The following DYNC2H1 variants were observed in gnomAD, a reference collection of about 807,000 sequenced individuals.
DYNC2H1 encodes the protein cytoplasmic dynein 2 heavy chain 1.
Under a neutral mutation model 570.0 loss-of-function variants are expected in DYNC2H1, and 410 were observed. That is an observed-to-expected ratio of 0.72 (90% CI 0.66 to 0.78). DYNC2H1 has a LOEUF of 0.78. Among genes scored for constraint, DYNC2H1 ranks in the 30% least tolerant of loss-of-function variants. DYNC2H1 has a pLI of 0.00. For missense variants in DYNC2H1, 4,865 were observed against 5,046.4 expected (o/e 0.96, Z 1.09); for synonymous variants, 1,688 against 1,677.6 (o/e 1.01, Z -0.15).
chr11:103,380,432 T>A (rs1246900119), intron 83 of DYNC2H1, among the ~76,000 whole-genome samples: 2 of 152,200 alleles, frequency 1.3e-5, no homozygotes, highest in Admixed American at 1.3e-4. Flanking sequence ...TGCTAAAGAT[T>A]ATACCAATAC....
At chr11:103,466,699 C>A (rs1945205557) in intron 87 of DYNC2H1, among the ~76,000 whole-genome samples, 3 of 152,098 alleles carry the variant, frequency 2.0e-5, no homozygotes, top group African/African-American at 7.2e-5. Flanking sequence ...GAAATTAAGA[C>A]CAAAATTTGA....
chr11:103,116,779 C>T (rs1858422292), intron 5 of DYNC2H1, 65 bp downstream of exon 5: 1 of 1,424,500 alleles, frequency 7.0e-7, no homozygotes, highest in Admixed American at 2.2e-5. Flanking sequence ...TCTTTTTATC[C>T]TTTAAGTCCT....
At chr11:103,438,474 T>C (rs1944139382) in intron 85 of DYNC2H1, among the ~76,000 whole-genome samples, 1 of 152,120 alleles carries the variant, frequency 6.6e-6, no homozygotes, top group African/African-American at 2.4e-5. Context: ...ATGGCACCTT[T>C]TGGTTTCTTA....
chr11:103,142,960 A>G lies in DYNC2H1; in HGVS notation c.2575-308A>G, dbSNP rs113270405. Among the ~76,000 whole-genome samples, 1,072 of 152,314 alleles carry G rather than the reference A, an allele frequency of 7.0e-3. 9 individuals carry two copies. The highest frequency in any genetic ancestry group is 0.024 in the African/African-American group (1,011 of 41,562). On this transcript the variant is annotated intron_variant, in intron 17 of 88. Coordinates refer to ENST00000375735, the MANE Select transcript of DYNC2H1 (RefSeq NM_001377.3). ...GGACCCTTTCAGATTTGTAGCCTAT[A>G]GTGACTCTTGATTTTGCAGAAATGA...
At chr11:103,174,012 C>A in intron 35 of DYNC2H1, 43 bp from the exon 36 acceptor site, 1 of 1,366,414 alleles carries the variant, frequency 7.3e-7, no homozygotes, top group Non-Finnish European at 1.0e-6. Flanking sequence ...AAAGTAATTT[C>A]TTCTAGCTAT....
chr11:103,399,788 T>G lies in DYNC2H1; in HGVS notation c.12282T>G (p.Leu4094=). The G allele has an allele frequency of 6.2e-7, 1 of 1,613,980 alleles. No homozygotes were observed. Among genetic ancestry groups the G allele is most frequent in the Non-Finnish European group, 8.5e-7 (1 of 1,179,866 alleles). Reference sequence around the variant, plus strand: ...TAGTACAAAGTGTCCACCAGTCTCTTGCTGCTCTCAGCAAAGTCATCAGAG... The same window carrying G: ...TAGTACAAAGTGTCCACCAGTCTCTGGCTGCTCTCAGCAAAGTCATCAGAG... ...IRLVQSVHQS[L]AALSKVIRGT... Residue 4094 remains leucine, a synonymous_variant, in exon 84 of 89, where the codon CTT becomes CTG. Coordinates refer to ENST00000375735, the MANE Select transcript of DYNC2H1 (RefSeq NM_001377.3).
chr11:103,383,280 T>C (rs868307073), intron 83 of DYNC2H1, among the ~76,000 whole-genome samples: 56 of 152,284 alleles, frequency 3.7e-4, no homozygotes, highest in African/African-American at 1.3e-3. Flanking sequence ...CAGAACCTAA[T>C]AGGACATCAT....
chr11:103,233,472 GATT>G (rs1864091825), intron 60 of DYNC2H1, among the ~76,000 whole-genome samples: 1 of 151,610 alleles, frequency 6.6e-6, no homozygotes, highest in Non-Finnish European at 1.5e-5. Flanking sequence ...TATAGGGAGA[GATT>G]ATATATAATG....
intron 72 of DYNC2H1, 60 bp downstream of exon 72, chr11:103,282,289 C>A: frequency 1.3e-6 from 2 of 1,507,638 alleles, no homozygotes; most frequent in South Asian, 1.2e-5. Context: ...GCTTTTTGTT[C>A]ATGAGGTATA....
chr11:103,389,451 C>T lies in DYNC2H1; in HGVS notation c.12157-10212C>T, dbSNP rs1363328974. ...TGTTGATCTTTTCAAAAAACCACCT[C>T]CTGGATTCATTGATTTCTTGAAGGG... On this transcript the variant is annotated intron_variant, in intron 83 of 88. Coordinates refer to ENST00000375735, the MANE Select transcript of DYNC2H1 (RefSeq NM_001377.3). Among the ~76,000 whole-genome samples the T allele has an allele frequency of 3.3e-5, 5 of 152,198 alleles. No individual in the cohort carries two copies. In the East Asian group the frequency reaches 9.6e-4, roughly 29 times the overall value.
intron 84 of DYNC2H1, among the ~76,000 whole-genome samples, chr11:103,431,498 C>A (rs1943892419): frequency 6.6e-6 from 1 of 152,070 alleles, no homozygotes; most frequent in Admixed American, 6.6e-5. Flanking sequence ...TACATTTTCT[C>A]TTCTGTAAAA....
intron 84 of DYNC2H1, among the ~76,000 whole-genome samples, chr11:103,401,769 CTT>C (rs1942654294): frequency 6.6e-6 from 1 of 152,022 alleles, no homozygotes; most frequent in Admixed American, 6.6e-5. Context: ...AAATGCTGTT[CTT>C]GTTATTGTTA....
At chr11:103,139,192 G>T (rs1354988281) in intron 17 of DYNC2H1, among the ~76,000 whole-genome samples, 8 of 152,016 alleles carry the variant, frequency 5.3e-5, no homozygotes, top group African/African-American at 2.4e-5. Context: ...TTTTTGAATG[G>T]TTTTTTGTGT....
chr11:103,332,341 C>T (rs1023433829), intron 82 of DYNC2H1, among the ~76,000 whole-genome samples: 5 of 147,156 alleles, frequency 3.4e-5, no homozygotes, highest in African/African-American at 1.3e-4. Flanking sequence ...TAGAACAAAG[C>T]ATCCAGGAAT....
chr11:103,121,217 G>A (rs146493145), intron 9 of DYNC2H1, among the ~76,000 whole-genome samples, 155 bp from the exon 10 acceptor site: 2 of 151,828 alleles, frequency 1.3e-5, no homozygotes, highest in Admixed American at 6.6e-5. Flanking sequence ...ATTATAATTC[G>A]CTGTTTCATT....
intron 82 of DYNC2H1, among the ~76,000 whole-genome samples, chr11:103,327,140 C>T (rs888284897): frequency 6.6e-6 from 1 of 152,038 alleles, no homozygotes; most frequent in Non-Finnish European, 1.5e-5. Flanking sequence ...TCCCGCTTCA[C>T]CCTGAGCATC....
At position 103,283,033 on chromosome 11, in the gene DYNC2H1, A is replaced by G; in HGVS notation, c.10838A>G (p.Gln3613Arg). The change falls in exon 73 of 89, where the codon CAG becomes CGG. Residue 3613 changes from glutamine (Q) to arginine (R), a missense_variant. This residue lies in a region of DYNC2H1 where 2,401 missense variants were observed against 2,454.6 expected (regional missense o/e 0.98). Transcript: ENST00000375735. Reference protein sequence around the residue: ...KADSQQKIRDQLPSWIDQERS... With the variant: ...KADSQQKIRDRLPSWIDQERS... ...GACTCTCAACAAAAAATACGTGATC[A>G]GCTTCCGTCTTGGATAGATCAGGAA... 1 of 1,604,974 alleles carries G rather than the reference A, an allele frequency of 6.2e-7. No homozygotes were observed. The highest frequency in any genetic ancestry group is 8.5e-7 in the Non-Finnish European group (1 of 1,175,744).
chr11:103,281,043 T>C (rs1866109030), intron 71 of DYNC2H1, among the ~76,000 whole-genome samples: 1 of 152,110 alleles, frequency 6.6e-6, no homozygotes, highest in Non-Finnish European at 1.5e-5. Context: ...GATGCTGTTA[T>C]CATAAAGTGA....
intron 87 of DYNC2H1, among the ~76,000 whole-genome samples, chr11:103,457,700 C>T (rs909397127): frequency 6.6e-6 from 1 of 151,826 alleles, no homozygotes; most frequent in Admixed American, 6.6e-5. Flanking sequence ...GTTTAAAACA[C>T]CTGGGTTCAA....
Sources: allele counts gnomAD v4.1 joint callset (sites outside exome capture counted in the v4.1 genomes callset), GRCh38; gene constraint gnomAD v4.1.1; regional missense constraint gnomAD v4.1.1; transcripts MANE v1.5; gene names NCBI Gene and HGNC (gene_info 2026-07-23, HGNC 2026-07-21).